The following PCDHGB2 variants were observed in gnomAD, a reference collection of about 807,000 sequenced individuals.
PCDHGB2 encodes protocadherin gamma subfamily B, 2, also known as protocadherin gamma-B2.
PCDHGB2 carries 55 observed loss-of-function variants against 59.3 expected under a neutral mutation model. The ratio of observed to expected loss-of-function variants is 0.93; its 90% CI spans 0.75 to 1.16. PCDHGB2 has a LOEUF of 1.16. Among genes scored for constraint, PCDHGB2 ranks in the 50% most tolerant of loss-of-function variants. PCDHGB2 has a pLI of 0.00. For synonymous variants in PCDHGB2, 516 were observed against 512.0 expected (o/e 1.01, Z -0.11); for missense variants, 1,228 against 1,198.5 (o/e 1.02, Z -0.36).
intron 1 of PCDHGB2, chr5:141,395,033 T>G: frequency 6.2e-7 from 1 of 1,614,140 alleles, no homozygotes; most frequent in Non-Finnish European, 8.5e-7. Context: ...CCTCACATTT[T>G]GTGGGTGTTG....
At chr5:141,472,805 G>C (rs2099297767) in intron 1 of PCDHGB2, among the ~76,000 whole-genome samples, 1 of 151,688 alleles carries the variant, frequency 6.6e-6, no homozygotes, top group African/African-American at 2.4e-5. Context: ...GACCAACATG[G>C]AGAAACCCCC....
chr5:141,447,481 A>G lies in PCDHGB2; in HGVS notation c.2422-47326A>G, dbSNP rs141192758. 3.9e-3 allele frequency among the ~76,000 whole-genome samples: 591 copies of G among 152,326 alleles called. 6 individuals carry two copies. The highest frequency in any genetic ancestry group is 0.011 in the Admixed American group (170 of 15,286). ...TTTTCTTCACCATCTGTAAAACTGC[A>G]TAGAAGGAATGTTTAGGATAAAAGA... On this transcript the variant is annotated intron_variant, in intron 1 of 3. Transcript: ENST00000522605.
At position 141,394,666 on chromosome 5, in the gene PCDHGB2, C is replaced by T. The variant is rs1175831509; in HGVS notation, c.2421+32110C>T. 1.2e-6 allele frequency: 2 copies of T among 1,613,190 alleles called. No homozygotes were observed. ...AAGGCCAGCGAGCCGGGACTCTTCT[C>T]GGTGGGTCTGCACACGGGCGAGGTG... On this transcript the variant is annotated intron_variant, in intron 1 of 3. Transcript: ENST00000522605.
At chr5:141,377,488 C>T (rs1774054188) in intron 1 of PCDHGB2, 1 of 151,792 alleles carries the variant, frequency 6.6e-6, no homozygotes, top group Admixed American at 6.6e-5. Flanking sequence ...CCCAGCTACT[C>T]GAGAAGCTCT....
intron 1 of PCDHGB2, among the ~76,000 whole-genome samples, chr5:141,406,668 G>A (rs1415631899): frequency 3.3e-5 from 5 of 152,122 alleles, no homozygotes; most frequent in African/African-American, 7.2e-5. Flanking sequence ...TTAAATTATG[G>A]AGAATAGTAG....
At chr5:141,452,760 G>C (rs920853226) in intron 1 of PCDHGB2, among the ~76,000 whole-genome samples, 1 of 152,120 alleles carries the variant, frequency 6.6e-6, no homozygotes, top group African/African-American at 2.4e-5. Context: ...AAGGAAGGGA[G>C]GGAGGGAAAA....
At chr5:141,367,089 CT>C in intron 1 of PCDHGB2, 1 of 258,634 alleles carries the variant, frequency 3.9e-6, no homozygotes, top group East Asian at 1.0e-4. Context: ...ATATTGTTCT[CT>C]TTTGAGTGTC....
chr5:141,414,475 C>T (rs2095752413), intron 1 of PCDHGB2: 1 of 1,613,804 alleles, frequency 6.2e-7, no homozygotes, highest in Non-Finnish European at 8.5e-7. Flanking sequence ...TGGGGGAAGT[C>T]CTCCTCTATC....
chr5:141,470,488 T>A (rs2099231812), intron 1 of PCDHGB2, among the ~76,000 whole-genome samples: 2 of 152,234 alleles, frequency 1.3e-5, no homozygotes, highest in South Asian at 4.1e-4. Flanking sequence ...CCTCTGGGAA[T>A]AATATTAGGT....
At chr5:141,471,743 C>T (rs769600930) in intron 1 of PCDHGB2, among the ~76,000 whole-genome samples, 2 of 152,142 alleles carry the variant, frequency 1.3e-5, no homozygotes, top group Non-Finnish European at 2.9e-5. Flanking sequence ...GGAGACATAA[C>T]ATATTTGAGG....
intron 1 of PCDHGB2, chr5:141,419,742 T>C (rs1388509503): frequency 2.5e-5 from 41 of 1,613,742 alleles, no homozygotes; most frequent in Non-Finnish European, 3.5e-5. Context: ...GAGGTGCGCA[T>C]GGTGCGTGCT....
chr5:141,398,663 C>T (rs2150753348), intron 1 of PCDHGB2: 2 of 1,614,016 alleles, frequency 1.2e-6, no homozygotes, highest in Non-Finnish European at 1.7e-6. Context: ...CCAAGTTTCT[C>T]ATTAATAATT....
intron 1 of PCDHGB2, chr5:141,423,436 C>A (rs2096740667): frequency 6.2e-7 from 1 of 1,613,782 alleles, no homozygotes; most frequent in Non-Finnish European, 8.5e-7. Context: ...GGCAGGTATG[C>A]CCACGTCACA....
intron 1 of PCDHGB2, among the ~76,000 whole-genome samples, chr5:141,446,175 G>A (rs1288608276): frequency 1.3e-5 from 2 of 152,276 alleles, no homozygotes; most frequent in Non-Finnish European, 2.9e-5. Context: ...AGGGCAGGGG[G>A]TGTTTTGTTT....
intron 1 of PCDHGB2, among the ~76,000 whole-genome samples, chr5:141,445,011 T>C (rs970882082): frequency 1.3e-5 from 2 of 152,196 alleles, no homozygotes; most frequent in Non-Finnish European, 2.9e-5. Flanking sequence ...AATTAGGTCT[T>C]TAATTTCTCT....
intron 1 of PCDHGB2, chr5:141,427,649 C>T (rs1283312654): frequency 1.4e-6 from 1 of 717,274 alleles, no homozygotes; most frequent in East Asian, 2.7e-5. Context: ...AAGTCTCCTA[C>T]GTGGTCCACG....
rs529966095 is a variant in PCDHGB2 at position 141,499,776 on chromosome 5, TC to T, written c.2480+4914del. 3.7e-3 allele frequency among the ~76,000 whole-genome samples: 528 copies of T among 141,410 alleles called. 6 individuals carry two copies. Among genetic ancestry groups the T allele is most frequent in the Non-Finnish European group, 4.2e-3 (282 of 66,550 alleles). The allele number at this position is 141,410 out of a possible 152,430, so 92.8% of individuals were successfully genotyped here. ...ATCTCAGCTCACTGCAGCCTTCGCCTCCCGGGTTCAAGCAATTCTCATGCTT... is the reference window on the plus strand; with the variant it reads ...ATCTCAGCTCACTGCAGCCTTCGCCTCCGGGTTCAAGCAATTCTCATGCTT... On this transcript the variant is annotated intron_variant, in intron 2 of 3. Coordinates refer to ENST00000522605, the MANE Select transcript of PCDHGB2 (RefSeq NM_018923.3).
At chr5:141,374,686 C>T (rs765389244) in intron 1 of PCDHGB2, 5 of 1,609,642 alleles carry the variant, frequency 3.1e-6, no homozygotes, top group Non-Finnish European at 4.2e-6. Flanking sequence ...GCACACTGGA[C>T]CGGGAAGGAG....
At chr5:141,395,147 G>A in intron 1 of PCDHGB2, 1 of 1,614,210 alleles carries the variant, frequency 6.2e-7, no homozygotes, top group Non-Finnish European at 8.5e-7. Flanking sequence ...ACGCAGACAT[G>A]CTCATCAGTC....
Sources: allele counts gnomAD v4.1 joint callset (sites outside exome capture counted in the v4.1 genomes callset), GRCh38; gene constraint gnomAD v4.1.1; transcripts MANE v1.5; gene names NCBI Gene and HGNC (gene_info 2026-07-23, HGNC 2026-07-21).